CACNA2D3: variants seen among roughly 807,000 people sequenced by gnomAD.
The protein encoded by CACNA2D3 is voltage-dependent calcium channel subunit alpha-2/delta-3.
In CACNA2D3, 60 loss-of-function variants were observed where a neutral mutation model predicts 160.6. That is an observed-to-expected ratio of 0.37 (90% confidence interval 0.30 to 0.46). CACNA2D3 has a LOEUF of 0.46. Ranked by LOEUF, CACNA2D3 falls within the 20% of genes least tolerant of loss-of-function variation. The pLI is 1.00. For synonymous variants in CACNA2D3, 558 were observed against 492.9 expected (o/e 1.13, Z -1.75); for missense variants, 1,205 against 1,365.0 (o/e 0.88, Z 1.85).
At chr3:54,460,231 G>A (rs1477502102) in intron 4 of CACNA2D3, among the ~76,000 whole-genome samples, 1 of 151,898 alleles carries the variant, frequency 6.6e-6, no homozygotes, top group Non-Finnish European at 1.5e-5. Flanking sequence ...TTGTTCTTTT[G>A]GCTTAGGATT....
chr3:54,700,265 T>G (rs550956512), intron 11 of CACNA2D3, among the ~76,000 whole-genome samples: 3 of 152,242 alleles, frequency 2.0e-5, no homozygotes, highest in Non-Finnish European at 4.4e-5. Context: ...CTCATCCAAA[T>G]GTGGCTTTTC....
intron 2 of CACNA2D3, among the ~76,000 whole-genome samples, chr3:54,205,052 A>T (rs955337236): frequency 6.6e-6 from 1 of 152,206 alleles, no homozygotes; most frequent in Non-Finnish European, 1.5e-5. Flanking sequence ...CCATAAGTAG[A>T]ATAAAATAAT....
intron 2 of CACNA2D3, among the ~76,000 whole-genome samples, chr3:54,150,177 C>G (rs535267977): frequency 1.3e-5 from 2 of 151,634 alleles, no homozygotes; most frequent in African/African-American, 2.4e-5. Flanking sequence ...GGAGACAAAA[C>G]AAAATAAAAA....
At chr3:54,586,737 A>G in intron 9 of CACNA2D3, among the ~76,000 whole-genome samples, 1 of 152,198 alleles carries the variant, frequency 6.6e-6, no homozygotes, top group East Asian at 1.9e-4. Context: ...CTTCTCAAGC[A>G]CCTATGGAAC....
intron 6 of CACNA2D3, among the ~76,000 whole-genome samples, chr3:54,564,222 G>T (rs1177659112): frequency 1.3e-5 from 2 of 152,202 alleles, no homozygotes; most frequent in Admixed American, 6.5e-5. Flanking sequence ...ATCACCTGTT[G>T]TCTCCTCCAA....
rs184542518 is a variant in CACNA2D3, at chr3:54,773,767, T to C, written c.1380+9416T>C. 1.9e-3 allele frequency among the ~76,000 whole-genome samples: 290 copies of C among 152,338 alleles called. 2 individuals carry two copies. The highest frequency in any genetic ancestry group is 6.5e-3 in the African/African-American group (269 of 41,572). On this transcript the variant is annotated intron_variant, in intron 13 of 37. Coordinates refer to ENST00000474759, the MANE Select transcript of CACNA2D3 (RefSeq NM_018398.3). ...TGCATCCAAATATTTTCCTCTTCCA[T>C]TGATTCTAGAGTTTTCTATTAAACA...
At chr3:54,489,746 G>T (rs981413749) in intron 4 of CACNA2D3, among the ~76,000 whole-genome samples, 4 of 152,190 alleles carry the variant, frequency 2.6e-5, no homozygotes, top group African/African-American at 9.7e-5. Flanking sequence ...TTCATAAGTG[G>T]CTTGTTAAGT....
At chr3:54,853,389 T>C (rs1200020926) in intron 17 of CACNA2D3, among the ~76,000 whole-genome samples, 1 of 152,234 alleles carries the variant, frequency 6.6e-6, no homozygotes, top group Non-Finnish European at 1.5e-5. Context: ...AGTACCAGTT[T>C]CTTACAATAA....
At chr3:54,652,856 C>G (rs1699801061) in intron 11 of CACNA2D3, among the ~76,000 whole-genome samples, 1 of 147,024 alleles carries the variant, frequency 6.8e-6, no homozygotes, top group Non-Finnish European at 1.5e-5. Context: ...AATCATGGCT[C>G]ACTGTAACCT....
At chr3:54,567,681 G>A (rs140807277) in intron 6 of CACNA2D3, among the ~76,000 whole-genome samples, 2 of 152,232 alleles carry the variant, frequency 1.3e-5, no homozygotes, top group African/African-American at 4.8e-5. Context: ...GATTACAGGC[G>A]CCTGCCACCA....
At chr3:54,404,293 C>T (rs1283454732) in intron 4 of CACNA2D3, among the ~76,000 whole-genome samples, 2 of 152,114 alleles carry the variant, frequency 1.3e-5, no homozygotes, top group Non-Finnish European at 2.9e-5. Flanking sequence ...GAAGATTATA[C>T]ATCATGATCG....
At chr3:54,534,994 C>T (rs1267133641) in intron 5 of CACNA2D3, among the ~76,000 whole-genome samples, 4 of 152,204 alleles carry the variant, frequency 2.6e-5, no homozygotes, top group Non-Finnish European at 4.4e-5. Context: ...TCTTCTCTGA[C>T]TTTATTTTTT....
At chr3:54,149,550 C>G (rs1389034340) in intron 2 of CACNA2D3, among the ~76,000 whole-genome samples, 1 of 152,074 alleles carries the variant, frequency 6.6e-6, no homozygotes, top group Non-Finnish European at 1.5e-5. Flanking sequence ...GGCATGTCCC[C>G]TTGGCCCACA....
At chr3:54,618,917 CT>C (rs1204802973) in intron 9 of CACNA2D3, among the ~76,000 whole-genome samples, 4 of 152,198 alleles carry the variant, frequency 2.6e-5, no homozygotes, top group Non-Finnish European at 4.4e-5. Flanking sequence ...TTGAAACTGA[CT>C]TCAGTCTACC....
chr3:54,308,969 T>G (rs888793714), intron 2 of CACNA2D3, among the ~76,000 whole-genome samples: 1 of 152,240 alleles, frequency 6.6e-6, no homozygotes, highest in African/African-American at 2.4e-5. Flanking sequence ...GCATTTGGGC[T>G]GTAGTTAAAT....
intron 11 of CACNA2D3, among the ~76,000 whole-genome samples, chr3:54,648,994 G>T (rs1291967493): frequency 1.3e-5 from 2 of 152,158 alleles, no homozygotes; most frequent in East Asian, 3.9e-4. Flanking sequence ...CAACATTGGT[G>T]GTCAAATTCC....
At chr3:54,247,316 A>ACAAACAAACAAG (rs1311562015) in intron 2 of CACNA2D3, among the ~76,000 whole-genome samples, 4 of 151,740 alleles carry the variant, frequency 2.6e-5, no homozygotes, top group Non-Finnish European at 4.4e-5. Flanking sequence ...TCCATCTCAA[A>ACAAACAAACAAG]CAAACAAACA....
chr3:54,216,726 G>A (rs755893412), intron 2 of CACNA2D3, among the ~76,000 whole-genome samples: 36 of 152,304 alleles, frequency 2.4e-4, no homozygotes, highest in South Asian at 1.2e-3. Context: ...TGCATTAACT[G>A]TTTTGTTTTT....
rs1431539772 is a variant in CACNA2D3, at chr3:55,074,100, GC to G, written c.3184-12del. The G allele has an allele frequency of 6.2e-7, 1 of 1,608,482 alleles. No homozygotes were observed. The highest frequency in any genetic ancestry group is 1.7e-5 in the Admixed American group (1 of 60,000). On this transcript the variant is annotated splice_polypyrimidine_tract_variant and intron_variant, in intron 37 of 37. Coordinates refer to ENST00000474759, the MANE Select transcript of CACNA2D3 (RefSeq NM_018398.3). Reference sequence around the variant, plus strand: ...GTCTATTTCCGTCTAACCAACCCCTGCCTTTCCCCATAGGAGAATGCAAGGG... The same window carrying G: ...GTCTATTTCCGTCTAACCAACCCCTGCTTTCCCCATAGGAGAATGCAAGGG...
Sources: allele counts gnomAD v4.1 joint callset (sites outside exome capture counted in the v4.1 genomes callset), GRCh38; gene constraint gnomAD v4.1.1; transcripts MANE v1.5; gene names NCBI Gene and HGNC (gene_info 2026-07-23, HGNC 2026-07-21).